The following GRIN2A variants were observed in gnomAD, a reference collection of about 807,000 sequenced individuals.
GRIN2A encodes glutamate ionotropic receptor NMDA type subunit 2A, also known as glutamate receptor ionotropic, NMDA 2A.
In GRIN2A, 22 loss-of-function variants were observed where a neutral mutation model predicts 113.4. The ratio of observed to expected loss-of-function variants is 0.19; its 90% CI spans 0.14 to 0.28. The LOEUF (loss-of-function observed/expected upper bound fraction) is 0.28. Among genes scored for constraint, GRIN2A ranks in the 10% least tolerant of loss-of-function variants. The pLI, the probability that GRIN2A is intolerant of heterozygous loss-of-function variation, is 1.00. For synonymous variants in GRIN2A, 827 were observed against 738.4 expected (o/e 1.12, Z -1.94); for missense variants, 1,502 against 1,887.0 (o/e 0.80, Z 3.78).
intron 2 of GRIN2A, among the ~76,000 whole-genome samples, chr16:9,953,505 C>A (rs186525131): frequency 2.0e-5 from 3 of 152,126 alleles, no homozygotes; most frequent in Non-Finnish European, 4.4e-5. Flanking sequence ...TGCAGGGAGT[C>A]CACCAAGAAG....
chr16:9,978,830 G>A (rs1376354156), intron 2 of GRIN2A, among the ~76,000 whole-genome samples: 2 of 152,180 alleles, frequency 1.3e-5, no homozygotes, highest in East Asian at 1.9e-4. Flanking sequence ...ATGACATAAC[G>A]TGGCACGGGC....
intron 2 of GRIN2A, among the ~76,000 whole-genome samples, chr16:10,158,991 C>A (rs185659008): frequency 7.2e-5 from 11 of 152,232 alleles, no homozygotes; most frequent in Admixed American, 5.9e-4. Flanking sequence ...TGGAAGGAAA[C>A]AAAACTTAAG....
intron 2 of GRIN2A, among the ~76,000 whole-genome samples, chr16:10,043,697 T>A (rs1183344696): frequency 6.6e-6 from 1 of 151,998 alleles, no homozygotes; most frequent in Non-Finnish European, 1.5e-5. Context: ...TGAAGGGTTT[T>A]CAAATTGTTT....
chr16:10,171,447 A>G (rs1438785791), intron 2 of GRIN2A: 2 of 152,246 alleles, frequency 1.3e-5, no homozygotes, highest in Non-Finnish European at 2.9e-5. Flanking sequence ...TGCAAAGGTC[A>G]ATGAGATAGT....
Position 10,180,624 on chromosome 16 carries a change from T to C in GRIN2A, c.-18-195A>G, listed in dbSNP as rs1567355151. Reference sequence around the variant, plus strand: ...ATCCATCTCTAACTCTATCCACAACTCCAATTCGAGCTAATTCTCCATCCC... The same window carrying C: ...ATCCATCTCTAACTCTATCCACAACCCCAATTCGAGCTAATTCTCCATCCC... On this transcript the variant is annotated intron_variant, in intron 1 of 12. Transcript: ENST00000330684. This position sits in a 1 kb window ranked among gnomAD's most constrained non-coding sequence, Gnocchi z 7.0. 5.4e-6 allele frequency: 5 copies of C among 921,032 alleles called. No individual in the cohort carries two copies. The highest frequency in any genetic ancestry group is 3.5e-5 in the South Asian group (2 of 57,152). The allele number at this position is 921,032 out of a possible 1,614,324, so 57.1% of individuals were successfully genotyped here.
chr16:9,975,315 G>T (rs1050293812), intron 2 of GRIN2A, among the ~76,000 whole-genome samples: 3 of 152,164 alleles, frequency 2.0e-5, no homozygotes, highest in African/African-American at 7.2e-5. Context: ...AAAACGGAGA[G>T]ATTATCCTGG....
chr16:9,843,060 AAGAG>A (rs982193225), intron 5 of GRIN2A, among the ~76,000 whole-genome samples: 3 of 149,526 alleles, frequency 2.0e-5, no homozygotes, highest in South Asian at 2.2e-4. Flanking sequence ...GAGAGAGAGA[AAGAG>A]AGGGAGGGAG....
At chr16:10,169,205 C>A (rs1596574370) in intron 2 of GRIN2A, among the ~76,000 whole-genome samples, 1 of 152,190 alleles carries the variant, frequency 6.6e-6, no homozygotes, top group South Asian at 2.1e-4. Context: ...TCTACGCAAT[C>A]CTAAAGGCCC....
At chr16:10,000,503 G>C (rs1485286618) in intron 2 of GRIN2A, among the ~76,000 whole-genome samples, 3 of 152,092 alleles carry the variant, frequency 2.0e-5, no homozygotes, top group Non-Finnish European at 4.4e-5. Context: ...TGGGCCACTT[G>C]TTGGAAGTCC....
intron 3 of GRIN2A, among the ~76,000 whole-genome samples, chr16:9,902,717 C>T (rs982310149): frequency 1.3e-5 from 2 of 151,896 alleles, no homozygotes; most frequent in East Asian, 3.9e-4. Flanking sequence ...ATTTTTCCAA[C>T]TCTACAATAT....
chr16:10,039,218 G>C (rs1024083423), intron 2 of GRIN2A, among the ~76,000 whole-genome samples: 3 of 151,934 alleles, frequency 2.0e-5, no homozygotes, highest in South Asian at 4.2e-4. Context: ...ACCCACTCTT[G>C]TTCCTTGGTG....
intron 2 of GRIN2A, among the ~76,000 whole-genome samples, chr16:9,947,534 G>A (rs1005128420): frequency 2.0e-5 from 3 of 152,210 alleles, no homozygotes; most frequent in African/African-American, 7.2e-5. Context: ...GGCAGGCCCT[G>A]GTGGTAAACA....
chr16:9,776,503 C>A (rs765816942), intron 11 of GRIN2A, among the ~76,000 whole-genome samples: 3 of 151,892 alleles, frequency 2.0e-5, no homozygotes, highest in Non-Finnish European at 4.4e-5. Context: ...TCGGTCAGAG[C>A]CCAAGACAGG....
chr16:10,058,446 C>A (rs753608525), intron 2 of GRIN2A, among the ~76,000 whole-genome samples: 1 of 152,132 alleles, frequency 6.6e-6, no homozygotes, highest in African/African-American at 2.4e-5. Flanking sequence ...GCTGTGTCTA[C>A]TAACTACAAT....
At chr16:9,861,416 A>G (rs2141398848) in intron 4 of GRIN2A, among the ~76,000 whole-genome samples, 1 of 152,356 alleles carries the variant, frequency 6.6e-6, no homozygotes, top group South Asian at 2.1e-4. Context: ...AAGTAGCAAC[A>G]TGGATTAGCA....
intron 2 of GRIN2A, among the ~76,000 whole-genome samples, chr16:10,015,278 A>AAAAAAG: frequency 7.5e-6 from 1 of 134,106 alleles, no homozygotes; most frequent in South Asian, 2.4e-4. Context: ...AAAAGAAAAA[A>AAAAAAG]AAAAAGAAAA....
intron 11 of GRIN2A, among the ~76,000 whole-genome samples, chr16:9,787,123 G>A (rs1902277329): frequency 6.6e-6 from 1 of 152,104 alleles, no homozygotes; most frequent in African/African-American, 2.4e-5. Flanking sequence ...GGGGAAAAAT[G>A]CATCTTATAT....
chr16:9,947,330 C>T (rs1225612556), intron 2 of GRIN2A, among the ~76,000 whole-genome samples: 2 of 152,206 alleles, frequency 1.3e-5, no homozygotes, highest in African/African-American at 4.8e-5. Flanking sequence ...AGACTTAAGA[C>T]ATGACAAGTT....
intron 2 of GRIN2A, among the ~76,000 whole-genome samples, chr16:10,162,989 C>T (rs2049834414): frequency 6.6e-6 from 1 of 152,192 alleles, no homozygotes; most frequent in Admixed American, 6.5e-5. Flanking sequence ...GAAAGTTGAT[C>T]TTTAACAAAG....
Sources: gnomAD v4.1 joint callset for allele counts (sites outside exome capture counted in the v4.1 genomes callset) on GRCh38, gnomAD v4.1.1 for gene constraint, Gnocchi (gnomAD v3.1) non-coding constraint, MANE v1.5 for transcripts, NCBI Gene and HGNC (gene_info 2026-07-23, HGNC 2026-07-21) for gene names.